DCAF8L2: variants seen among roughly 807,000 people sequenced by gnomAD.
The protein encoded by DCAF8L2 is DDB1- and CUL4-associated factor 8-like protein 2.
For synonymous variants in DCAF8L2, 200 were observed against 190.9 expected, an observed-to-expected ratio of 1.05 and a Z score of -0.39; for missense variants, 430 against 490.7, an observed-to-expected ratio of 0.88 and a Z score of 1.17.
At chrX:27,586,391 T>C (rs1311672199), upstream of DCAF8L2, among the ~76,000 whole-genome samples, 1 of 111,648 alleles carries the variant, frequency 9.0e-6, no homozygotes, top group Non-Finnish European at 1.9e-5. Flanking sequence ...AATAAGATTG[T>C]TCATAGTATT....
At chrX:27,684,135 T>C (rs181962847) in intron 3 of DCAF8L2, among the ~76,000 whole-genome samples, 1 of 111,954 alleles carries the variant, frequency 8.9e-6, no homozygotes, top group East Asian at 2.8e-4. Context: ...TAGTGAGAGG[T>C]ATCCAAAGAA....
chrX:27,704,240 G>GCA (rs1569187089), intron 3 of DCAF8L2, among the ~76,000 whole-genome samples: 3 of 96,757 alleles, frequency 3.1e-5, no homozygotes, highest in Admixed American at 1.1e-4. Flanking sequence ...GTACACACGT[G>GCA]CGCACATACG....
chrX:27,632,167 A>G (rs778094799), intron 2 of DCAF8L2, 167 bp downstream of exon 2: 1 of 111,746 alleles, frequency 8.9e-6, no homozygotes, highest in Non-Finnish European at 1.9e-5. Flanking sequence ...AGCTTTTCTT[A>G]ATTGTGTCTT....
intron 2 of DCAF8L2, among the ~76,000 whole-genome samples, chrX:27,674,825 A>G (rs1930086735): frequency 9.0e-6 from 1 of 111,657 alleles, no homozygotes; most frequent in Non-Finnish European, 1.9e-5. Context: ...AGGATTGAAC[A>G]GTATTTTGGA....
the DCAF8L2 span, among the ~76,000 whole-genome samples, chrX:27,542,691 C>T: frequency 4.7e-5 from 5 of 106,081 alleles, no homozygotes; most frequent in South Asian, 4.3e-4. Context: ...TACAGGCGCC[C>T]GCCACTACGC....
chrX:27,493,974 G>T, the DCAF8L2 span, among the ~76,000 whole-genome samples: 1 of 110,938 alleles, frequency 9.0e-6, no homozygotes, highest in Non-Finnish European at 1.9e-5. Flanking sequence ...TTCTTTTTAT[G>T]TACCACTTTT....
At chrX:27,672,472 A>G (rs1929984008) in intron 2 of DCAF8L2, among the ~76,000 whole-genome samples, 2 of 112,086 alleles carry the variant, frequency 1.8e-5, no homozygotes, top group Non-Finnish European at 3.8e-5. Context: ...ATGTTGGAAC[A>G]ATTTCATTAG....
intron 4 of DCAF8L2, among the ~76,000 whole-genome samples, chrX:27,732,480 CTGTGTGTGTGCGCG>C (rs1324732795): frequency 1.1e-5 from 1 of 89,607 alleles, no homozygotes; most frequent in Admixed American, 1.2e-4. Context: ...AATAATTTTC[CTGTGTGTGTGCGCG>C]TGTGTGTGTG....
At chrX:27,573,254 T>TCTCTCA in the DCAF8L2 span, among the ~76,000 whole-genome samples, 2,321 of 99,628 alleles carry the variant, frequency 0.023, 50 homozygotes, top group African/African-American at 0.052. Context: ...TCTCTCTCTC[T>TCTCTCA]CACACACACA....
chrX:27,561,676 T>TG, the DCAF8L2 span, among the ~76,000 whole-genome samples: 2 of 111,287 alleles, frequency 1.8e-5, no homozygotes, highest in African/African-American at 3.3e-5. Flanking sequence ...ACAATATGCA[T>TG]GGGGGGGTTG....
the DCAF8L2 span, among the ~76,000 whole-genome samples, chrX:27,491,981 A>C: frequency 1.9e-4 from 21 of 112,392 alleles, no homozygotes; most frequent in Admixed American, 3.8e-4. Flanking sequence ...TTTCTGTAGT[A>C]TGCAGAGTTG....
chrX:27,706,970 T>C (rs1009935577), intron 3 of DCAF8L2, among the ~76,000 whole-genome samples: 7 of 112,487 alleles, frequency 6.2e-5, no homozygotes, highest in African/African-American at 2.3e-4. Context: ...GAAGTACTGA[T>C]ACATGCTACA....
the DCAF8L2 span, among the ~76,000 whole-genome samples, chrX:27,574,376 C>T: frequency 9.0e-6 from 1 of 111,607 alleles, no homozygotes; most frequent in African/African-American, 3.3e-5. Context: ...GTTCACATGA[C>T]CATGTGTTTT....
At chrX:27,656,721 T>C (rs1029282953) in intron 2 of DCAF8L2, among the ~76,000 whole-genome samples, 24 of 111,772 alleles carry the variant, frequency 2.1e-4, no homozygotes, top group African/African-American at 7.8e-4. Context: ...AGCAGAGGCA[T>C]AAATGTGTAA....
chrX:27,617,759 G>T (rs1927547511), intron 1 of DCAF8L2, among the ~76,000 whole-genome samples: 1 of 110,770 alleles, frequency 9.0e-6, no homozygotes, highest in Admixed American at 9.7e-5. Context: ...TTTTTATTTA[G>T]GGAATTTTTA....
chrX:27,641,597 G>A (rs1441978708), intron 2 of DCAF8L2, among the ~76,000 whole-genome samples: 3 of 107,360 alleles, frequency 2.8e-5, no homozygotes, highest in Non-Finnish European at 5.8e-5. Flanking sequence ...TCAGCCTCCC[G>A]AATAGCTGGG....
intron 3 of DCAF8L2, among the ~76,000 whole-genome samples, chrX:27,712,841 A>AACC (rs777617842): frequency 8.9e-6 from 1 of 112,117 alleles, no homozygotes; most frequent in South Asian, 3.7e-4. Context: ...TGGAAGCAGA[A>AACC]ACCACTAGTG....
At chrX:27,531,315 C>T in the DCAF8L2 span, among the ~76,000 whole-genome samples, 4 of 111,175 alleles carry the variant, frequency 3.6e-5, no homozygotes, top group Non-Finnish European at 7.5e-5. Flanking sequence ...TCTCATGAGA[C>T]TTATTCACTA....
At chrX:27,650,750 T>A (rs1292606714) in intron 2 of DCAF8L2, among the ~76,000 whole-genome samples, 2 of 111,954 alleles carry the variant, frequency 1.8e-5, no homozygotes, top group Non-Finnish European at 3.8e-5. Context: ...AGAGATATAG[T>A]TTAACTTCTT....
Sources: allele counts gnomAD v4.1 joint callset (sites outside exome capture counted in the v4.1 genomes callset), GRCh38; gene constraint gnomAD v4.1.1; transcripts MANE v1.5; gene names NCBI Gene and HGNC (gene_info 2026-07-23, HGNC 2026-07-21).